Variants in KCNAB1 observed in about 807,000 individuals in gnomAD.
KCNAB1 encodes potassium voltage-gated channel subfamily A regulatory beta subunit 1.
KCNAB1 carries 35 observed loss-of-function variants against 64.6 expected under a neutral mutation model. The ratio of observed to expected loss-of-function variants is 0.54; its 90% confidence interval spans 0.41 to 0.72. The LOEUF (loss-of-function observed/expected upper bound fraction) is 0.72. Ranked by LOEUF, KCNAB1 falls within the 30% of genes least tolerant of loss-of-function variation. KCNAB1 has a pLI of 0.00. For missense variants in KCNAB1, 401 were observed against 512.9 expected, an observed-to-expected ratio of 0.78 and a Z score of 2.11; for synonymous variants, 177 against 183.8, an observed-to-expected ratio of 0.96 and a Z score of 0.30.
intron 1 of KCNAB1, among the ~76,000 whole-genome samples, chr3:156,315,969 T>G (rs1022417140): frequency 1.3e-5 from 2 of 152,176 alleles, no homozygotes; most frequent in African/African-American, 4.8e-5. Context: ...ACAGAATAAA[T>G]AAAAGAGAAA....
chr3:156,136,629 A>T (rs1261419265), intron 1 of KCNAB1, among the ~76,000 whole-genome samples: 1 of 152,206 alleles, frequency 6.6e-6, no homozygotes, highest in Non-Finnish European at 1.5e-5. Flanking sequence ...CTGAGACCTC[A>T]TCTCCCATCC....
At chr3:156,260,168 A>T (rs1718347456) in intron 1 of KCNAB1, among the ~76,000 whole-genome samples, 1 of 152,190 alleles carries the variant, frequency 6.6e-6, no homozygotes, top group Admixed American at 6.5e-5. Flanking sequence ...TCAGACCTCC[A>T]ACCTTTGCTT....
intron 1 of KCNAB1, among the ~76,000 whole-genome samples, chr3:156,205,188 C>G (rs769117460): frequency 2.7e-4 from 41 of 152,214 alleles, no homozygotes; most frequent in Non-Finnish European, 5.0e-4. Context: ...TTTCCTTTCT[C>G]AAGCTTAATT....
chr3:156,209,260 A>G (rs930709440), intron 1 of KCNAB1, among the ~76,000 whole-genome samples: 1 of 152,184 alleles, frequency 6.6e-6, no homozygotes, highest in African/African-American at 2.4e-5. Context: ...GAGTTGGATT[A>G]GGGTGGGTAC....
chr3:156,252,827 G>C (rs564466315), intron 1 of KCNAB1, among the ~76,000 whole-genome samples: 1 of 152,166 alleles, frequency 6.6e-6, no homozygotes, highest in African/African-American at 2.4e-5. Flanking sequence ...TTTCCAACGC[G>C]CATTGTCTTA....
rs759022544 is a variant in KCNAB1, at chr3:156,120,833, C to T, written c.222C>T (p.Leu74=). The T allele has an allele frequency of 5.0e-6, 8 of 1,614,120 alleles. No homozygotes were observed. In the African/African-American group the frequency reaches 1.1e-4, roughly 22 times the overall value. Residue 74 remains leucine, a synonymous_variant, in exon 1 of 14, where the codon CTC becomes CTT. Coordinates refer to ENST00000490337, the MANE Select transcript of KCNAB1 (RefSeq NM_172160.3). ...TGGAGATGAACTGGTACCTAAAGCT[C>T]TGCGACCTGTCCAGCGAGCACACCA... is the stretch of plus-strand genomic sequence containing the variant. ...REVEMNWYLK[L]CDLSSEHTTV...
At chr3:156,291,317 G>T in intron 1 of KCNAB1, 2 of 989,732 alleles carry the variant, frequency 2.0e-6, no homozygotes, top group Non-Finnish European at 2.4e-6. Context: ...AGGCGGGAGG[G>T]AGCTGACAGC....
chr3:156,477,309 C>T (rs575169631), intron 8 of KCNAB1, among the ~76,000 whole-genome samples: 4 of 152,174 alleles, frequency 2.6e-5, no homozygotes, highest in African/African-American at 7.2e-5. Flanking sequence ...TTCCACAAAG[C>T]GGAATGGGAA....
chr3:156,342,607 T>A lies in KCNAB1; in HGVS notation c.276-79009T>A, dbSNP rs867768838. Among the ~76,000 whole-genome samples the A allele has an allele frequency of 2.0e-3, 189 of 92,222 alleles. 1 individual carries two copies. The highest frequency in any genetic ancestry group is 7.6e-3 in the African/African-American group (149 of 19,624). The allele number at this position is 92,222 out of a possible 152,430, so 60.5% of individuals were successfully genotyped here. A position where few individuals can be genotyped will look rare whatever the true frequency, so the allele number is the denominator to read the frequency against. On this transcript the variant is annotated intron_variant, in intron 1 of 13. Transcript: ENST00000490337. ...TTTCTTTTTTTTTTTTTTTTTTTTT[T>A]AATTTTTTTTTTTTTTATTATACTC...
chr3:156,135,796 A>G (rs1019761212), intron 1 of KCNAB1, among the ~76,000 whole-genome samples: 8 of 152,252 alleles, frequency 5.3e-5, no homozygotes, highest in Non-Finnish European at 1.0e-4. Context: ...AACGTGTCAA[A>G]GAAGATAGAT....
chr3:156,140,176 A>G (rs1269596509), intron 1 of KCNAB1, among the ~76,000 whole-genome samples: 1 of 152,246 alleles, frequency 6.6e-6, no homozygotes, highest in Non-Finnish European at 1.5e-5. Flanking sequence ...GACACTAAGT[A>G]TCCAGCTGCA....
intron 1 of KCNAB1, among the ~76,000 whole-genome samples, chr3:156,219,067 A>G (rs1239448065): frequency 6.6e-6 from 1 of 151,932 alleles, no homozygotes; most frequent in East Asian, 1.9e-4. Flanking sequence ...CCCTGAAGAG[A>G]TCATACCAGC....
chr3:156,329,466 G>C (rs544043630), intron 1 of KCNAB1, among the ~76,000 whole-genome samples: 3 of 152,230 alleles, frequency 2.0e-5, no homozygotes, highest in Admixed American at 2.0e-4. Flanking sequence ...GGATCCCCGG[G>C]AGAGAACCCC....
Position 156,514,388 on chromosome 3 carries a change from T to C in KCNAB1, c.683T>C (p.Val228Ala). Residue 228 changes from valine (V) to alanine (A), a missense_variant, in exon 9 of 14, where the codon GTG becomes GCG. Coordinates refer to ENST00000490337, the MANE Select transcript of KCNAB1 (RefSeq NM_172160.3). ...GAAATTGTCCGAGCCATGACACATG[T>C]GATAAACCAAGGCATGGCGATGTAC... ...MEEIVRAMTH[V>A]INQGMAMYWG... 4.3e-6 allele frequency: 7 copies of C among 1,614,090 alleles called. No homozygotes were observed. Among genetic ancestry groups the C allele is most frequent in the Non-Finnish European group, 5.9e-6 (7 of 1,179,936 alleles).
chr3:156,294,156 T>G (rs925397699), intron 1 of KCNAB1, among the ~76,000 whole-genome samples: 1 of 152,220 alleles, frequency 6.6e-6, no homozygotes, highest in African/African-American at 2.4e-5. Context: ...GCTCAACTCA[T>G]GTTGAGTGAT....
chr3:156,449,512 C>T (rs1265447289), intron 2 of KCNAB1, among the ~76,000 whole-genome samples: 2 of 152,188 alleles, frequency 1.3e-5, no homozygotes, highest in African/African-American at 4.8e-5. Flanking sequence ...CATTGCTCTA[C>T]TTAGACTTCA....
chr3:156,469,045 T>G (rs1044240719), intron 7 of KCNAB1, among the ~76,000 whole-genome samples: 1 of 152,170 alleles, frequency 6.6e-6, no homozygotes, highest in East Asian at 1.9e-4. Context: ...GTTCTTGTTT[T>G]TTGTTCTTTT....
At chr3:156,396,370 A>G (rs780912360) in intron 1 of KCNAB1, among the ~76,000 whole-genome samples, 6 of 152,250 alleles carry the variant, frequency 3.9e-5, no homozygotes, top group Non-Finnish European at 8.8e-5. Flanking sequence ...GTTAAAATGC[A>G]AAATATTAAT....
chr3:156,177,029 C>T, intron 1 of KCNAB1: 1 of 540,648 alleles, frequency 1.8e-6, no homozygotes, highest in Non-Finnish European at 3.3e-6. Flanking sequence ...TGCCTCTGTC[C>T]CTTCCCCATC....
Sources: gnomAD v4.1 joint callset for allele counts (sites outside exome capture counted in the v4.1 genomes callset) on GRCh38, gnomAD v4.1.1 for gene constraint, MANE v1.5 for transcripts, NCBI Gene and HGNC (gene_info 2026-07-23, HGNC 2026-07-21) for gene names.